The following GABRA2 variants were observed in gnomAD, a reference collection of about 807,000 sequenced individuals.
The protein encoded by GABRA2 is gamma-aminobutyric acid receptor subunit alpha-2.
In GABRA2, 16 loss-of-function variants were observed where a neutral mutation model predicts 48.7. The ratio of observed to expected loss-of-function variants is 0.33; its 90% confidence interval spans 0.22 to 0.50. The LOEUF is 0.50. GABRA2 is among the 20% of genes least tolerant of loss of function. The pLI is 0.98. For synonymous variants in GABRA2, 185 were observed against 184.5 expected (o/e 1.00, Z -0.02); for missense variants, 275 against 535.6 (o/e 0.51, Z 4.80).
intron 6 of GABRA2, among the ~76,000 whole-genome samples, chr4:46,308,837 A>G (rs1241836790): frequency 2.0e-5 from 3 of 151,700 alleles, no homozygotes; most frequent in Non-Finnish European, 4.4e-5. Context: ...CATCATTTAT[A>G]TTTGATGCCT....
In GABRA2 at chr4:46,390,120, C is replaced by T; in HGVS notation, c.-396G>A. On this transcript the variant is annotated 5_prime_UTR_variant, in exon 1 of 10. Coordinates refer to ENST00000381620, the MANE Select transcript of GABRA2 (RefSeq NM_000807.4). The stretch of plus-strand genomic sequence containing the variant: ...CGCGCCGGCGGTGGCGGGCACGAGC[C>T]CCGCGCCTGGAGGAGGAGGAGTCAG... The T allele has an allele frequency of 1.0e-6, 1 of 969,274 alleles. No individual in the cohort carries two copies. Among genetic ancestry groups the T allele is most frequent in the Non-Finnish European group, 1.2e-6 (1 of 815,644 alleles). 60.0% of individuals were successfully genotyped at this position (969,274 alleles called of 1,614,324 possible). A position where few individuals can be genotyped will look rare whatever the true frequency, so the allele number is the denominator to read the frequency against.
intron 9 of GABRA2, among the ~76,000 whole-genome samples, chr4:46,253,684 A>T (rs1715248861): frequency 6.6e-6 from 1 of 151,470 alleles, no homozygotes; most frequent in African/African-American, 2.4e-5. Flanking sequence ...GGACCAAGTA[A>T]GCAAAGTACA....
At position 46,244,273 on chromosome 4, in the gene GABRA2, A is replaced by G. The variant is rs1290046569; in HGVS notation, c.*6035T>C. ...CGAATATGTTAAAAATAAATTCTGA[A>G]CAAATCTATCAGTACTATTTCTAAA... is the stretch of plus-strand genomic sequence containing the variant. On this transcript the variant is annotated 3_prime_UTR_variant, in exon 10 of 10. Coordinates refer to ENST00000381620, the MANE Select transcript of GABRA2 (RefSeq NM_000807.4). 1 of 151,684 alleles carries G rather than the reference A, an allele frequency of 6.6e-6. No individual in the cohort carries two copies. Among genetic ancestry groups the G allele is most frequent in the Non-Finnish European group, 1.5e-5 (1 of 67,734 alleles). 9.4% of individuals were successfully genotyped at this position (151,684 alleles called of 1,614,324 possible).
chr4:46,300,430 G>C (rs1376689420), intron 8 of GABRA2, among the ~76,000 whole-genome samples: 2 of 151,764 alleles, frequency 1.3e-5, no homozygotes, highest in East Asian at 3.9e-4. Context: ...TGCAATTTTA[G>C]GATTTTTAAA....
At chr4:46,337,509 T>A (rs1203826993) in intron 3 of GABRA2, among the ~76,000 whole-genome samples, 6 of 151,998 alleles carry the variant, frequency 3.9e-5, no homozygotes, top group Non-Finnish European at 8.8e-5. Flanking sequence ...GGAGATTCAC[T>A]GAAAGACTTT....
intron 9 of GABRA2, among the ~76,000 whole-genome samples, chr4:46,255,579 G>A (rs1468865454): frequency 5.3e-5 from 8 of 151,434 alleles, no homozygotes. Context: ...AGTAAACTAT[G>A]CTGTTACACA....
intron 4 of GABRA2, among the ~76,000 whole-genome samples, chr4:46,318,787 C>CA (rs1455354430): frequency 6.6e-6 from 1 of 151,432 alleles, no homozygotes; most frequent in Non-Finnish European, 1.5e-5. Context: ...AAGAAACAAA[C>CA]AAAAAACCGC....
chr4:46,328,306 ATG>A (rs565459749), intron 4 of GABRA2, among the ~76,000 whole-genome samples: 1 of 150,370 alleles, frequency 6.7e-6, no homozygotes, highest in Admixed American at 6.7e-5. Context: ...GCGCACACGC[ATG>A]TGTGTGTGTG....
chr4:46,274,196 T>C (rs1027113866), intron 8 of GABRA2, among the ~76,000 whole-genome samples: 1 of 152,036 alleles, frequency 6.6e-6, no homozygotes, highest in Non-Finnish European at 1.5e-5. Flanking sequence ...ATTATTCTCA[T>C]TTACAGATGA....
intron 2 of GABRA2, among the ~76,000 whole-genome samples, chr4:46,387,329 G>C (rs1010388241): frequency 6.6e-6 from 1 of 152,104 alleles, no homozygotes; most frequent in East Asian, 1.9e-4. Context: ...TGATCAAGGT[G>C]CATTGTATAA....
chr4:46,363,531 C>T (rs187962276), intron 3 of GABRA2, among the ~76,000 whole-genome samples: 1 of 152,098 alleles, frequency 6.6e-6, no homozygotes, highest in East Asian at 1.9e-4. Context: ...AGATAGTGGT[C>T]TATTTGAGAA....
rs143856774 is a variant in GABRA2 at position 46,380,448 on chromosome 4, T to C, written c.187+5626A>G. Among the ~76,000 whole-genome samples, 1,075 of 152,308 alleles carry C rather than the reference T, an allele frequency of 7.1e-3. 11 individuals are homozygous for C. Among genetic ancestry groups the C allele is most frequent in the African/African-American group, 0.024 (992 of 41,564 alleles). The stretch of plus-strand genomic sequence containing the variant: ...TTAAATGCGACATGGGTTGATATAT[T>C]CTATTTCATTTCTAGTAGAAGTGGT... On this transcript the variant is annotated intron_variant, in intron 3 of 9. Transcript: ENST00000381620.
At chr4:46,349,180 G>T (rs1734700047) in intron 3 of GABRA2, among the ~76,000 whole-genome samples, 1 of 151,956 alleles carries the variant, frequency 6.6e-6, no homozygotes, top group African/African-American at 2.4e-5. Flanking sequence ...TATATGCACT[G>T]GGAAGCGAAA....
intron 3 of GABRA2, among the ~76,000 whole-genome samples, chr4:46,361,344 A>C (rs1713153673): frequency 6.6e-6 from 1 of 152,180 alleles, no homozygotes; most frequent in South Asian, 2.1e-4. Context: ...TGACTAAAAG[A>C]GGACAAGTTA....
intron 8 of GABRA2, among the ~76,000 whole-genome samples, chr4:46,295,426 T>G (rs1159883411): frequency 6.6e-6 from 1 of 152,220 alleles, no homozygotes; most frequent in Non-Finnish European, 1.5e-5. Flanking sequence ...TGTGAAGATA[T>G]TTTTATCCCA....
intron 9 of GABRA2, among the ~76,000 whole-genome samples, chr4:46,253,006 G>T (rs554834564): frequency 1.3e-5 from 2 of 151,548 alleles, no homozygotes; most frequent in African/African-American, 4.8e-5. Flanking sequence ...GATTACTGGT[G>T]TACAAGATGT....
intron 6 of GABRA2, among the ~76,000 whole-genome samples, chr4:46,309,497 C>A (rs183441598): frequency 2.0e-5 from 3 of 151,974 alleles, no homozygotes; most frequent in Non-Finnish European, 4.4e-5. Context: ...TATGCTGAAC[C>A]TACCCAGAAT....
chr4:46,339,298 T>C (rs940787945), intron 3 of GABRA2, among the ~76,000 whole-genome samples: 6 of 151,918 alleles, frequency 3.9e-5, no homozygotes, highest in Non-Finnish European at 1.5e-5. Context: ...GCTATGTTAC[T>C]ATACTGGATA....
intron 4 of GABRA2, among the ~76,000 whole-genome samples, chr4:46,325,019 C>A (rs1434913393): frequency 6.6e-6 from 1 of 151,876 alleles, no homozygotes; most frequent in Non-Finnish European, 1.5e-5. Context: ...AATTGTGCTG[C>A]AATGAACATA....
Sources: allele counts gnomAD v4.1 joint callset (sites outside exome capture counted in the v4.1 genomes callset), GRCh38; gene constraint gnomAD v4.1.1; transcripts MANE v1.5; gene names NCBI Gene and HGNC (gene_info 2026-07-23, HGNC 2026-07-21).